The following IMMP2L variants were observed in gnomAD, a reference collection of about 807,000 sequenced individuals.
IMMP2L encodes the protein mitochondrial inner membrane protease subunit 2.
In IMMP2L, 18 loss-of-function variants were observed where a neutral mutation model predicts 19.3. The observed-to-expected ratio is 0.93, with a 90% confidence interval of 0.64 to 1.38. IMMP2L has a LOEUF of 1.38. Among genes scored for constraint, IMMP2L ranks in the 40% most tolerant of loss-of-function variants. IMMP2L has a pLI of 0.00. For missense variants in IMMP2L, 233 were observed against 218.2 expected (o/e 1.07, Z -0.43); for synonymous variants, 76 against 73.0 (o/e 1.04, Z -0.21).
chr7:110,809,523 A>G (rs1424421330), intron 5 of IMMP2L, among the ~76,000 whole-genome samples: 1 of 151,960 alleles, frequency 6.6e-6, no homozygotes, highest in African/African-American at 2.4e-5. Flanking sequence ...CATATATTGT[A>G]TTATCTTTAT....
intron 3 of IMMP2L, among the ~76,000 whole-genome samples, chr7:111,387,988 A>AAAAAAAAAAAAAAAAC (rs1563131624): frequency 2.7e-5 from 4 of 150,680 alleles, no homozygotes; most frequent in African/African-American, 9.8e-5. Context: ...AAAAAAAAAA[A>AAAAAAAAAAAAAAAAC]AAAAAAAAAA....
chr7:110,906,848 T>C (rs1007276459), intron 4 of IMMP2L, among the ~76,000 whole-genome samples: 2 of 152,176 alleles, frequency 1.3e-5, no homozygotes, highest in African/African-American at 2.4e-5. Context: ...TATACTAATA[T>C]GATGACTGAT....
chr7:110,878,576 T>C (rs1164934106), intron 5 of IMMP2L, among the ~76,000 whole-genome samples: 1 of 152,082 alleles, frequency 6.6e-6, no homozygotes, highest in Admixed American at 6.6e-5. Context: ...AAATTATCTA[T>C]ACTAAATACA....
At chr7:110,962,939 A>G (rs1819121622) in intron 4 of IMMP2L, 1 of 1,416,724 alleles carries the variant, frequency 7.1e-7, no homozygotes, top group South Asian at 1.7e-5. Context: ...AATGTCAACA[A>G]TTGTTCTTGA....
At position 111,070,231 on chromosome 7, in the gene IMMP2L, C is replaced by T. The variant is rs530933823; in HGVS notation, c.240-106666G>A. 2.6e-5 allele frequency among the ~76,000 whole-genome samples: 4 copies of T among 152,254 alleles called. No individual in the cohort carries two copies. In the East Asian group the frequency reaches 7.7e-4, roughly 29 times the overall value. On this transcript the variant is annotated intron_variant, in intron 3 of 5. Transcript: ENST00000405709. The stretch of plus-strand genomic sequence containing the variant: ...CAATTGGAAAAAATACTGAGCACCA[C>T]AAAACTACAAAGGGTTGCAGGCTTC...
chr7:111,180,973 T>C (rs1807642035), intron 3 of IMMP2L, among the ~76,000 whole-genome samples: 1 of 152,030 alleles, frequency 6.6e-6, no homozygotes, highest in Admixed American at 6.6e-5. Flanking sequence ...GAAAATGATA[T>C]TAATTTTTAT....
At chr7:111,377,890 A>T (rs1291235372) in intron 3 of IMMP2L, among the ~76,000 whole-genome samples, 1 of 152,050 alleles carries the variant, frequency 6.6e-6, no homozygotes, top group Non-Finnish European at 1.5e-5. Context: ...TACTATACAT[A>T]GTATTAATGT....
At chr7:111,367,910 C>G (rs1215639980) in intron 3 of IMMP2L, among the ~76,000 whole-genome samples, 1 of 151,522 alleles carries the variant, frequency 6.6e-6, no homozygotes, top group Non-Finnish European at 1.5e-5. Flanking sequence ...ATTCACTGAG[C>G]AACAAACGCT....
intron 3 of IMMP2L, among the ~76,000 whole-genome samples, chr7:111,301,935 A>C (rs1051159398): frequency 6.7e-6 from 1 of 148,606 alleles, no homozygotes; most frequent in Non-Finnish European, 1.5e-5. Context: ...AAAAAAAAAA[A>C]AAAAAAAAAA....
chr7:110,926,073 T>C (rs949254790), intron 4 of IMMP2L, among the ~76,000 whole-genome samples: 1 of 152,050 alleles, frequency 6.6e-6, no homozygotes, highest in African/African-American at 2.4e-5. Flanking sequence ...AGCCTCTGTA[T>C]ATTTTCTAAG....
chr7:111,519,022 G>A (rs1035971881), intron 2 of IMMP2L, among the ~76,000 whole-genome samples: 2 of 152,094 alleles, frequency 1.3e-5, no homozygotes, highest in Admixed American at 1.3e-4. Flanking sequence ...ACCAATCACG[G>A]TACCCCATTC....
At chr7:111,063,856 G>A (rs974991944) in intron 3 of IMMP2L, among the ~76,000 whole-genome samples, 4 of 152,086 alleles carry the variant, frequency 2.6e-5, no homozygotes, top group African/African-American at 7.2e-5. Flanking sequence ...ATCACTATCA[G>A]GATTTTTGTC....
At chr7:111,379,048 T>C (rs1293612732) in intron 3 of IMMP2L, among the ~76,000 whole-genome samples, 1 of 151,732 alleles carries the variant, frequency 6.6e-6, no homozygotes. Flanking sequence ...AAAAGGCTAA[T>C]GAGACCATTT....
intron 3 of IMMP2L, among the ~76,000 whole-genome samples, chr7:110,987,922 G>T (rs538899645): frequency 6.6e-6 from 1 of 152,210 alleles, no homozygotes; most frequent in Admixed American, 6.5e-5. Context: ...ACCCTTGAGG[G>T]ATGGCTCATT....
intron 3 of IMMP2L, among the ~76,000 whole-genome samples, chr7:111,298,529 C>G (rs1821862611): frequency 6.6e-6 from 1 of 152,030 alleles, no homozygotes; most frequent in Non-Finnish European, 1.5e-5. Context: ...GTGGGTGGAT[C>G]ACCTAAGGTC....
chr7:111,168,609 A>G (rs1156457286), intron 3 of IMMP2L, among the ~76,000 whole-genome samples: 4 of 151,938 alleles, frequency 2.6e-5, no homozygotes, highest in East Asian at 1.9e-4. Context: ...CCATATTGCT[A>G]TATAGATTTT....
intron 3 of IMMP2L, chr7:111,124,499 A>G (rs1344920526): frequency 2.5e-6 from 4 of 1,613,958 alleles, no homozygotes; most frequent in Non-Finnish European, 3.4e-6. Context: ...TCTGATGTCA[A>G]GGTATATAAT....
chr7:111,393,871 G>A (rs561828314), intron 3 of IMMP2L, among the ~76,000 whole-genome samples: 15 of 152,150 alleles, frequency 9.9e-5, no homozygotes, highest in African/African-American at 3.4e-4. Flanking sequence ...ATGTACGTGT[G>A]TTTTTTTCCA....
At chr7:111,033,707 A>C (rs1235673404) in intron 3 of IMMP2L, among the ~76,000 whole-genome samples, 30 of 152,210 alleles carry the variant, frequency 2.0e-4, no homozygotes, top group Admixed American at 2.0e-3. Flanking sequence ...GAAATATGGC[A>C]ATCTGAGGAA....
Sources: gnomAD v4.1 joint callset for allele counts (sites outside exome capture counted in the v4.1 genomes callset) on GRCh38, gnomAD v4.1.1 for gene constraint, MANE v1.5 for transcripts, NCBI Gene and HGNC (gene_info 2026-07-23, HGNC 2026-07-21) for gene names.